The following DNAH8 variants were observed in gnomAD, a reference collection of about 807,000 sequenced individuals.
The protein encoded by DNAH8 is axonemal beta dynein heavy chain 8.
In DNAH8, 382 loss-of-function variants were observed where a neutral mutation model predicts 562.1. The ratio of observed to expected loss-of-function variants is 0.68; its 90% CI spans 0.63 to 0.74. The LOEUF (loss-of-function observed/expected upper bound fraction) is 0.74. Ranked by LOEUF, DNAH8 falls within the 30% of genes least tolerant of loss-of-function variation. DNAH8 has a pLI of 0.00. For synonymous variants in DNAH8, 1,881 were observed against 1,919.4 expected (o/e 0.98, Z 0.52); for missense variants, 5,203 against 5,620.4 (o/e 0.93, Z 2.37).
At chr6:38,976,921 C>T (rs1763714917) in intron 85 of DNAH8, among the ~76,000 whole-genome samples, 1 of 152,192 alleles carries the variant, frequency 6.6e-6, no homozygotes, top group South Asian at 2.1e-4. Flanking sequence ...TGCTGGAGTT[C>T]ATCCCACATT....
In DNAH8 at chr6:38,761,730, A is replaced by C; in HGVS notation, c.1544A>C (p.Lys515Thr). The C allele has an allele frequency of 6.4e-7, 1 of 1,552,176 alleles. No individual in the cohort carries two copies. The highest frequency in any genetic ancestry group is 8.7e-7 in the Non-Finnish European group (1 of 1,153,650). The change falls in exon 11 of 93, where the codon AAA (lysine) becomes ACA (threonine). Residue 515 changes from lysine to threonine, a missense_variant. Lys to Thr is a moderately conservative substitution (Grantham distance 78). Around this residue, in one of 6 missense-constraint regions of DNAH8, gnomAD observed 2,176 missense variants for 2,365.1 expected, o/e 0.92. Transcript: ENST00000327475. The part of the protein sequence containing the change: ...KVTNQMVTAC[K>T]AYITDGGLNH... Reference sequence around the variant, plus strand: ...ACAAATCAAATGGTAACAGCATGTAAAGCATATATTACTGATGGAGGATTA... The same window carrying C: ...ACAAATCAAATGGTAACAGCATGTACAGCATATATTACTGATGGAGGATTA...
Position 38,873,137 on chromosome 6 carries a change from C to T in DNAH8, c.7469C>T (p.Pro2490Leu). 1.9e-6 allele frequency: 3 copies of T among 1,613,472 alleles called. No individual in the cohort carries two copies. Among genetic ancestry groups the T allele is most frequent in the Non-Finnish European group, 2.5e-6 (3 of 1,179,960 alleles). Reference protein sequence around the residue: ...YISSSALSWRPILQAWLKKRT... With the variant: ...YISSSALSWRLILQAWLKKRT... ...AGCAGCTCTGCTCTCAGCTGGAGGCCAATCTTACAGGTGGGGCAGAGAGAT... is the reference window on the plus strand; with the variant it reads ...AGCAGCTCTGCTCTCAGCTGGAGGCTAATCTTACAGGTGGGGCAGAGAGAT... The change falls in exon 51 of 93, where the codon CCA (proline) becomes CTA (leucine). Residue 2490 changes from proline (P) to leucine (L), a missense_variant. Physicochemically the swap from Pro to Leu is moderately conservative, Grantham distance 98. Around this residue, in one of 6 missense-constraint regions of DNAH8, gnomAD observed 977 missense variants for 1,061.8 expected, o/e 0.92. Transcript: ENST00000327475.
At chr6:38,852,856 G>A (rs1043575685) in intron 40 of DNAH8, 58 bp downstream of exon 40, 54 of 1,319,512 alleles carry the variant, frequency 4.1e-5, no homozygotes, top group Non-Finnish European at 5.6e-5. Flanking sequence ...TTAGGTTGAG[G>A]AGAATACAGT....
chr6:38,866,063 C>T (rs1364376943), intron 45 of DNAH8, among the ~76,000 whole-genome samples: 1 of 152,118 alleles, frequency 6.6e-6, no homozygotes, highest in Non-Finnish European at 1.5e-5. Context: ...CCATCATTCC[C>T]TTCTTTATTT....
chr6:38,932,216 A>ACACACAC (rs375631180), intron 76 of DNAH8, among the ~76,000 whole-genome samples: 2 of 145,640 alleles, frequency 1.4e-5, no homozygotes, highest in African/African-American at 2.7e-5. Flanking sequence ...ACACACACAC[A>ACACACAC]CCCGTCTCTT....
chr6:38,869,643 G>C (rs574675384), intron 48 of DNAH8, among the ~76,000 whole-genome samples: 12 of 152,286 alleles, frequency 7.9e-5, no homozygotes, highest in African/African-American at 2.9e-4. Context: ...ATGGACTTTT[G>C]CAGCCATTGT....
chr6:39,002,049 C>T lies in DNAH8; in HGVS notation c.13215-6765C>T, dbSNP rs183455179. On this transcript the variant is annotated intron_variant, in intron 88 of 92. Coordinates refer to ENST00000327475, the MANE Select transcript of DNAH8 (RefSeq NM_001206927.2). ...ATTGATGTCACTAAAGTAGATGGGG[C>T]AAGGAGCAGTCCAGGAGAGGGATAA... 2.6e-5 allele frequency among the ~76,000 whole-genome samples: 4 copies of T among 152,146 alleles called. No individual in the cohort carries two copies. The East Asian group carries it at 7.7e-4, about 29-fold the overall frequency.
At chr6:38,773,989 T>C (rs1678656) in intron 12 of DNAH8, among the ~76,000 whole-genome samples, 15,143 of 152,154 alleles carry the variant, frequency 0.1, 1,379 homozygotes, top group East Asian at 0.44. Context: ...GTTGGGGCCC[T>C]TCGAGGAGTA....
chr6:38,980,942 AT>A (rs966495595), intron 85 of DNAH8, among the ~76,000 whole-genome samples: 11 of 151,078 alleles, frequency 7.3e-5, no homozygotes, highest in South Asian at 4.2e-4. Flanking sequence ...ATTTATTTAG[AT>A]TTTTTTTTAA....
chr6:38,787,254 A>G (rs1278854859), intron 18 of DNAH8, among the ~76,000 whole-genome samples: 1 of 152,146 alleles, frequency 6.6e-6, no homozygotes, highest in Non-Finnish European at 1.5e-5. Flanking sequence ...ATTAAATTTT[A>G]TAATATACTT....
Position 38,929,499 on chromosome 6 carries a change from C to T in DNAH8, c.11119-12C>T, listed in dbSNP as rs370228349. 3 of 1,603,026 alleles carry T rather than the reference C, an allele frequency of 1.9e-6. No homozygotes were observed. Among genetic ancestry groups the T allele is most frequent in the South Asian group, 2.3e-5 (2 of 88,846 alleles). ...TGTAACACAGATAGACCAATGAGTT[C>T]TTTCTGTTTAGGTGACATCTCTGAA... On this transcript the variant is annotated splice_polypyrimidine_tract_variant and intron_variant, in intron 74 of 92. Transcript: ENST00000327475.
intron 4 of DNAH8, among the ~76,000 whole-genome samples, chr6:38,730,768 G>A (rs1477229775): frequency 6.6e-6 from 1 of 152,176 alleles, no homozygotes; most frequent in Non-Finnish European, 1.5e-5. Flanking sequence ...TGTCTAGTCT[G>A]ATCTCCTACT....
chr6:39,019,739 G>T lies in DNAH8; in HGVS notation c.13715-6807G>T, dbSNP rs564630530. Among the ~76,000 whole-genome samples, 43 of 152,328 alleles carry T rather than the reference G, an allele frequency of 2.8e-4. 1 individual carries two copies. The South Asian group carries it at 8.3e-3, about 29-fold the overall frequency. Reference sequence around the variant, plus strand: ...AAATGATGAGGCCAAAGGTCTGAGAGGTCAGATGCTGAATGGGGTACTGGA... The same window carrying T: ...AAATGATGAGGCCAAAGGTCTGAGATGTCAGATGCTGAATGGGGTACTGGA... On this transcript the variant is annotated intron_variant, in intron 91 of 92. Transcript: ENST00000327475.
At chr6:38,985,051 G>A (rs1281577534) in intron 87 of DNAH8, among the ~76,000 whole-genome samples, 1 of 152,130 alleles carries the variant, frequency 6.6e-6, no homozygotes, top group East Asian at 1.9e-4. Context: ...ATAAGTGATT[G>A]GGGGATTAAT....
rs937121431 is a variant in DNAH8, at chr6:38,805,461, G to A, written c.3035-20G>A. 7 of 1,472,824 alleles carry A rather than the reference G, an allele frequency of 4.8e-6. No individual in the cohort carries two copies. Among genetic ancestry groups the A allele is most frequent in the Middle Eastern group, 1.7e-4 (1 of 5,810 alleles). 91.2% of individuals were successfully genotyped at this position (1,472,824 alleles called of 1,614,324 possible). ...CTAAAAAGTCAAATGTTATATTTTTGTTTTGTCTTTTGTCTATAGAACAGC... is the reference window on the plus strand; with the variant it reads ...CTAAAAAGTCAAATGTTATATTTTTATTTTGTCTTTTGTCTATAGAACAGC... On this transcript the variant is annotated intron_variant, in intron 22 of 92. Coordinates refer to ENST00000327475, the MANE Select transcript of DNAH8 (RefSeq NM_001206927.2).
intron 29 of DNAH8, among the ~76,000 whole-genome samples, chr6:38,827,221 C>T (rs545140683): frequency 3.9e-5 from 6 of 152,166 alleles, no homozygotes; most frequent in South Asian, 4.1e-4. Flanking sequence ...ACATCAGGCC[C>T]GCCTGTTAAT....
At chr6:38,796,007 C>T (rs1184541668) in intron 21 of DNAH8, among the ~76,000 whole-genome samples, 1 of 152,142 alleles carries the variant, frequency 6.6e-6, no homozygotes, top group Admixed American at 6.5e-5. Context: ...TCTTTCTGTC[C>T]TGTGATCCTA....
intron 91 of DNAH8, among the ~76,000 whole-genome samples, chr6:39,017,984 G>A (rs1272945012): frequency 6.6e-6 from 1 of 152,144 alleles, no homozygotes; most frequent in Non-Finnish European, 1.5e-5. Context: ...TAATCTAATA[G>A]CAATTCTAAG....
intron 23 of DNAH8, among the ~76,000 whole-genome samples, chr6:38,806,356 A>C (rs1309910893): frequency 1.3e-5 from 2 of 152,192 alleles, no homozygotes; most frequent in Non-Finnish European, 2.9e-5. Flanking sequence ...TGATATTGCC[A>C]GATAATTGGG....
Sources: gnomAD v4.1 joint callset for allele counts (sites outside exome capture counted in the v4.1 genomes callset) on GRCh38, gnomAD v4.1.1 for gene constraint, gnomAD v4.1.1 regional missense constraint, MANE v1.5 for transcripts, NCBI Gene and HGNC (gene_info 2026-07-23, HGNC 2026-07-21) for gene names.